Variants in CTCF observed in about 807,000 individuals in gnomAD.
The protein encoded by CTCF is transcriptional repressor CTCF.
In CTCF, 7 loss-of-function variants were observed where a neutral mutation model predicts 72.3. The ratio of observed to expected loss-of-function variants is 0.10; its 90% CI spans 0.06 to 0.18. The LOEUF (loss-of-function observed/expected upper bound fraction) is 0.18, where lower values mean the gene tolerates loss of function less well. Ranked by LOEUF, CTCF falls within the 10% of genes least tolerant of loss-of-function variation. The pLI is 1.00. For missense variants in CTCF, 516 were observed against 949.1 expected, an observed-to-expected ratio of 0.54 and a Z score of 6.00; for synonymous variants, 374 against 315.8, an observed-to-expected ratio of 1.18 and a Z score of -1.95.
chr16:67,571,433 A>G (rs2051418506), intron 2 of CTCF, among the ~76,000 whole-genome samples, 169 bp downstream of exon 2: 1 of 152,154 alleles, frequency 6.6e-6, no homozygotes, highest in Non-Finnish European at 1.5e-5. Context: ...CTTTACGATG[A>G]TATACTAGCT....
intron 1 of CTCF, among the ~76,000 whole-genome samples, chr16:67,567,647 G>A (rs2051360485): frequency 6.6e-6 from 1 of 152,088 alleles, no homozygotes; most frequent in African/African-American, 2.4e-5. Flanking sequence ...TAGGAGTGCA[G>A]TGGCATGATC....
chr16:67,620,587 T>C (rs1036569679), intron 5 of CTCF, 110 bp from the exon 6 acceptor site: 32 of 822,454 alleles, frequency 3.9e-5, no homozygotes, highest in Non-Finnish European at 5.7e-5. Flanking sequence ...TTTAGACTTC[T>C]GTATTCTGAA....
At chr16:67,578,231 C>T (rs1291491843) in intron 2 of CTCF, among the ~76,000 whole-genome samples, 3 of 151,532 alleles carry the variant, frequency 2.0e-5, no homozygotes, top group Non-Finnish European at 4.4e-5. Context: ...CCTCTGATCT[C>T]TCATTTTTCT....
chr16:67,596,913 G>C (rs2051822973), intron 2 of CTCF, among the ~76,000 whole-genome samples: 1 of 152,096 alleles, frequency 6.6e-6, no homozygotes, highest in Non-Finnish European at 1.5e-5. Context: ...ATTTTATGGT[G>C]CTTAAAATCT....
intron 2 of CTCF, among the ~76,000 whole-genome samples, chr16:67,589,196 C>T (rs1357070483): frequency 2.0e-5 from 3 of 152,054 alleles, no homozygotes. Context: ...ACCCAGGAGG[C>T]TGAGGCAAGA....
chr16:67,617,388 A>G (rs554891541), intron 5 of CTCF, among the ~76,000 whole-genome samples: 7 of 152,168 alleles, frequency 4.6e-5, no homozygotes, highest in African/African-American at 1.7e-4. Flanking sequence ...AGTCCCAGCT[A>G]CTCGGGAGGC....
At chr16:67,601,285 C>CCG (rs2051885624) in intron 2 of CTCF, among the ~76,000 whole-genome samples, 2 of 135,480 alleles carry the variant, frequency 1.5e-5, no homozygotes, top group Non-Finnish European at 3.2e-5. Context: ...CAGAGTCTCA[C>CCG]TCTGTCACCG....
At chr16:67,563,991 A>G (rs2051311978) in intron 1 of CTCF, 1 of 152,196 alleles carries the variant, frequency 6.6e-6, no homozygotes, top group Non-Finnish European at 1.5e-5. Flanking sequence ...GATGGTTTAT[A>G]AATATCTACG....
chr16:67,608,882 C>CAGGCCT (rs1240035814), intron 2 of CTCF, among the ~76,000 whole-genome samples: 1 of 152,034 alleles, frequency 6.6e-6, no homozygotes. Context: ...GGATTACATA[C>CAGGCCT]AGGCATGCAC....
At chr16:67,618,039 G>A (rs1345643444) in intron 5 of CTCF, among the ~76,000 whole-genome samples, 1 of 152,182 alleles carries the variant, frequency 6.6e-6, no homozygotes, top group African/African-American at 2.4e-5. Context: ...TGGGATGGGA[G>A]CTAAAATTCA....
rs553593189 is a variant in CTCF, at chr16:67,598,984, G to A, written c.-9-11840G>A. Among the ~76,000 whole-genome samples the A allele has an allele frequency of 2.4e-4, 36 of 152,326 alleles. No individual in the cohort carries two copies. The South Asian group carries it at 7.0e-3, about 30-fold the overall frequency. ...AGAGACAGCAAGTGTTAAGTTGAGC[G>A]TGGTAGGAAAAAAGAGATGACAGAT... On this transcript the variant is annotated intron_variant, in intron 2 of 11. Transcript: ENST00000264010.
intron 2 of CTCF, among the ~76,000 whole-genome samples, chr16:67,594,669 AGT>A (rs1281861240): frequency 5.3e-5 from 8 of 152,194 alleles, no homozygotes; most frequent in Admixed American, 2.6e-4. Context: ...GCATATAAAC[AGT>A]GTTTTGTTTT....
At chr16:67,626,402 G>C (rs1258168492) in intron 7 of CTCF, 153 bp from the exon 8 acceptor site, 3 of 428,006 alleles carry the variant, frequency 7.0e-6, no homozygotes, top group Non-Finnish European at 7.7e-6. Context: ...GCAGTGAGCT[G>C]AGATTGCGCC....
In CTCF at chr16:67,611,252, T is replaced by C; in HGVS notation, c.420T>C (p.Asn140=). Residue 140 remains asparagine, a synonymous_variant, in exon 3 of 12, where the codon AAT becomes AAC. Coordinates refer to ENST00000264010, the MANE Select transcript of CTCF (RefSeq NM_006565.4). ...AAGAACTTCAGGGGGCTTATGAAAA[T>C]GAAGTGTCTAAAGAGGGCCTTGCGG... ...SVEELQGAYE[N]EVSKEGLAES... The C allele has an allele frequency of 6.2e-7, 1 of 1,614,088 alleles. No individual in the cohort carries two copies. The highest frequency in any genetic ancestry group is 8.5e-7 in the Non-Finnish European group (1 of 1,180,018).
At chr16:67,573,028 G>A (rs892114876) in intron 2 of CTCF, among the ~76,000 whole-genome samples, 6 of 144,522 alleles carry the variant, frequency 4.2e-5, no homozygotes, top group Non-Finnish European at 6.0e-5. Context: ...TGAGGTGGGC[G>A]GATCACAAGG....
intron 2 of CTCF, among the ~76,000 whole-genome samples, chr16:67,580,450 C>T (rs1254524859): frequency 6.6e-6 from 1 of 152,156 alleles, no homozygotes; most frequent in Non-Finnish European, 1.5e-5. Flanking sequence ...GCAATCCCCT[C>T]CTCCCAGGCC....
At chr16:67,575,375 G>A (rs2051481627) in intron 2 of CTCF, among the ~76,000 whole-genome samples, 1 of 152,080 alleles carries the variant, frequency 6.6e-6, no homozygotes, top group Non-Finnish European at 1.5e-5. Context: ...CCAAGTCCTG[G>A]CCATGCAGCT....
chr16:67,595,101 C>T (rs2051794180), intron 2 of CTCF, among the ~76,000 whole-genome samples: 1 of 152,146 alleles, frequency 6.6e-6, no homozygotes, highest in African/African-American at 2.4e-5. Context: ...CATCACCAAT[C>T]ATGAATTTTT....
intron 2 of CTCF, among the ~76,000 whole-genome samples, chr16:67,598,477 A>G (rs2051843486): frequency 6.6e-6 from 1 of 152,246 alleles, no homozygotes; most frequent in Non-Finnish European, 1.5e-5. Flanking sequence ...AAGTGATATA[A>G]ATAAACCAGA....
Sources: gnomAD v4.1 joint callset for allele counts (sites outside exome capture counted in the v4.1 genomes callset) on GRCh38, gnomAD v4.1.1 for gene constraint, MANE v1.5 for transcripts, NCBI Gene and HGNC (gene_info 2026-07-23, HGNC 2026-07-21) for gene names.